PPARG: variants seen among roughly 807,000 people sequenced by gnomAD.
PPARG encodes the protein peroxisome proliferator activated receptor gamma.
Under a neutral mutation model 39.2 loss-of-function variants are expected in PPARG, and 17 were observed. The observed-to-expected ratio is 0.43, with a 90% confidence interval of 0.30 to 0.65. The LOEUF (loss-of-function observed/expected upper bound fraction) is 0.65, where lower values mean the gene tolerates loss of function less well. Ranked by LOEUF, PPARG falls within the 30% of genes least tolerant of loss-of-function variation. The pLI, the probability that PPARG is intolerant of heterozygous loss-of-function variation, is 0.13. For synonymous variants in PPARG, 223 were observed against 215.7 expected, an observed-to-expected ratio of 1.03 and a Z score of -0.30; for missense variants, 406 against 585.9, an observed-to-expected ratio of 0.69 and a Z score of 3.17.
chr3:12,381,495 AT>A lies in PPARG; in HGVS notation c.390+6del. On this transcript the variant is annotated splice_donor_5th_base_variant and intron_variant, in intron 4 of 7. Coordinates refer to ENST00000651735, the MANE Select transcript of PPARG (RefSeq NM_138711.6). ...TCATGCTTGTGAAGGATGCAAGGTA[AT>A]TAAAAAAAAAGTCTTCAAAGAAATT... 6.2e-7 allele frequency: 1 copy of A among 1,612,930 alleles called. No individual in the cohort carries two copies. The highest frequency in any genetic ancestry group is 8.5e-7 in the Non-Finnish European group (1 of 1,179,374).
intron 2 of PPARG, among the ~76,000 whole-genome samples, chr3:12,345,378 C>T (rs1290997438): frequency 6.6e-6 from 1 of 152,166 alleles, no homozygotes; most frequent in Admixed American, 6.5e-5. Context: ...ATGACATTTT[C>T]ATAGGTAATT....
chr3:12,313,137 A>G (rs1574972298), intron 2 of PPARG, among the ~76,000 whole-genome samples: 1 of 152,330 alleles, frequency 6.6e-6, no homozygotes, highest in African/African-American at 2.4e-5. Context: ...TTTTAGGACT[A>G]TTGATTTTGG....
intron 2 of PPARG, among the ~76,000 whole-genome samples, chr3:12,373,011 C>T (rs946198779): frequency 6.6e-6 from 1 of 152,170 alleles, no homozygotes; most frequent in Non-Finnish European, 1.5e-5. Flanking sequence ...GGAGTTAAGA[C>T]ATGTTCTTGT....
chr3:12,412,512 A>T (rs1165592087), intron 6 of PPARG, among the ~76,000 whole-genome samples: 1 of 152,244 alleles, frequency 6.6e-6, no homozygotes, highest in African/African-American at 2.4e-5. Flanking sequence ...AATTAATTAT[A>T]TTTGATGTAT....
In PPARG at chr3:12,308,343, C is replaced by CA. The variant is rs57225468; in HGVS notation, c.-82-4010dup. On this transcript the variant is annotated intron_variant, in intron 1 of 7. Transcript: ENST00000651735. Reference sequence around the variant, plus strand: ...TGGATGACAGAGCAAGACCCTGTCTCAAAAAAAAAAAAAAAAAAAAAAAAA... The same window carrying CA: ...TGGATGACAGAGCAAGACCCTGTCTCAAAAAAAAAAAAAAAAAAAAAAAAAA... Among the ~76,000 whole-genome samples the CA allele has an allele frequency of 8.0e-3, 296 of 37,194 alleles. 6 individuals are homozygous for CA. The highest frequency in any genetic ancestry group is 0.012 in the East Asian group (10 of 858). 24.4% of individuals were successfully genotyped at this position (37,194 alleles called of 152,430 possible).
intron 2 of PPARG, among the ~76,000 whole-genome samples, chr3:12,359,678 T>A (rs968841012): frequency 6.8e-6 from 1 of 147,312 alleles, no homozygotes; most frequent in East Asian, 1.9e-4. Context: ...TTATTTCTTT[T>A]TTTTTTTTTT....
At chr3:12,382,420 A>G (rs1003328450) in intron 4 of PPARG, among the ~76,000 whole-genome samples, 1 of 152,210 alleles carries the variant, frequency 6.6e-6, no homozygotes, top group Non-Finnish European at 1.5e-5. Flanking sequence ...AATTTATTAT[A>G]TACGCATTGC....
At chr3:12,355,055 G>A (rs1390738679) in intron 2 of PPARG, among the ~76,000 whole-genome samples, 1 of 152,158 alleles carries the variant, frequency 6.6e-6, no homozygotes, top group East Asian at 1.9e-4. Context: ...TTTCTTCTCA[G>A]AGGCATTGAG....
intron 7 of PPARG, among the ~76,000 whole-genome samples, chr3:12,426,070 G>C (rs2051434534): frequency 6.6e-6 from 1 of 152,198 alleles, no homozygotes; most frequent in Admixed American, 6.5e-5. Context: ...GGAGTGTTGA[G>C]ATGAGGCAAG....
chr3:12,381,351 C>T lies in PPARG; in HGVS notation c.250C>T (p.Pro84Ser), dbSNP rs1165659288. The T allele has an allele frequency of 1.2e-6, 2 of 1,613,158 alleles. No homozygotes were observed. The highest frequency in any genetic ancestry group is 2.7e-5 in the African/African-American group (2 of 74,882). Residue 84 changes from proline to serine, a missense_variant, in exon 4 of 8, where the codon CCT becomes TCT. By Grantham distance (74) the Pro-to-Ser change is moderately conservative. Transcript: ENST00000651735. ...SAIKVEPASP[P>S]YYSEKTQLYN... ...AATCAAAGTGGAGCCTGCATCTCCA[C>T]CTTATTATTCTGAGAAGACTCAGCT...
intron 2 of PPARG, among the ~76,000 whole-genome samples, chr3:12,356,070 T>A (rs1005369667): frequency 6.6e-6 from 1 of 152,236 alleles, no homozygotes; most frequent in African/African-American, 2.4e-5. Flanking sequence ...GCTTCTGTCC[T>A]GTTAGCTCCC....
At chr3:12,304,624 A>G (rs1047067460) in intron 1 of PPARG, among the ~76,000 whole-genome samples, 9 of 152,366 alleles carry the variant, frequency 5.9e-5, no homozygotes, top group Admixed American at 3.9e-4. Context: ...TTATTAAAAC[A>G]GGTTATACTT....
At chr3:12,334,706 C>A (rs779596260) in intron 2 of PPARG, among the ~76,000 whole-genome samples, 1 of 152,090 alleles carries the variant, frequency 6.6e-6, no homozygotes, top group African/African-American at 2.4e-5. Context: ...AAAGACTATA[C>A]AAATATTACT....
intron 1 of PPARG, among the ~76,000 whole-genome samples, chr3:12,289,842 A>G (rs927016276): frequency 1.3e-5 from 2 of 152,192 alleles, no homozygotes; most frequent in Non-Finnish European, 1.5e-5. Context: ...ATATCAAAAC[A>G]TTCTGTTCAA....
At chr3:12,355,174 C>T (rs1465710822) in intron 2 of PPARG, among the ~76,000 whole-genome samples, 1 of 152,004 alleles carries the variant, frequency 6.6e-6, no homozygotes, top group East Asian at 1.9e-4. Flanking sequence ...ACTCTGTCAC[C>T]CAGGCTAGAG....
chr3:12,354,807 T>C (rs1256845734), intron 2 of PPARG, among the ~76,000 whole-genome samples: 4 of 150,806 alleles, frequency 2.7e-5, no homozygotes, highest in Non-Finnish European at 5.9e-5. Context: ...TTTATGGATA[T>C]GGAAAAACAA....
At chr3:12,301,194 A>T (rs2046916218) in intron 1 of PPARG, among the ~76,000 whole-genome samples, 1 of 152,230 alleles carries the variant, frequency 6.6e-6, no homozygotes, top group African/African-American at 2.4e-5. Context: ...TCAGAAGAAC[A>T]GGTTTTTTAA....
intron 4 of PPARG, among the ~76,000 whole-genome samples, chr3:12,388,735 G>C (rs1210587913): frequency 3.3e-5 from 5 of 152,160 alleles, no homozygotes; most frequent in African/African-American, 1.2e-4. Flanking sequence ...AATTGGGATT[G>C]CCTGATACAG....
At chr3:12,331,808 A>G (rs954013655) in intron 2 of PPARG, among the ~76,000 whole-genome samples, 3 of 152,076 alleles carry the variant, frequency 2.0e-5, no homozygotes, top group Admixed American at 2.0e-4. Flanking sequence ...ATCAGCTGGG[A>G]GATTGGTGGC....
Sources: allele counts gnomAD v4.1 joint callset (sites outside exome capture counted in the v4.1 genomes callset), GRCh38; gene constraint gnomAD v4.1.1; transcripts MANE v1.5; gene names NCBI Gene and HGNC (gene_info 2026-07-23, HGNC 2026-07-21).